The following ZNF804B variants were observed in gnomAD, a reference collection of about 807,000 sequenced individuals.
ZNF804B encodes the protein zinc finger 804B.
In ZNF804B, 80 loss-of-function variants were observed where a neutral mutation model predicts 101.4. The ratio of observed to expected loss-of-function variants is 0.79; its 90% CI spans 0.66 to 0.95. The LOEUF (loss-of-function observed/expected upper bound fraction) is 0.95. Among genes scored for constraint, ZNF804B ranks in the 40% least tolerant of loss-of-function variants. The pLI is 0.00. For missense variants in ZNF804B, 1,673 were observed against 1,561.9 expected, an observed-to-expected ratio of 1.07 and a Z score of -1.20; for synonymous variants, 622 against 558.8, an observed-to-expected ratio of 1.11 and a Z score of -1.59.
rs758565830 is a variant in ZNF804B, at chr7:89,336,572, C to G, written c.3590C>G (p.Thr1197Arg). The G allele has an allele frequency of 3.1e-6, 5 of 1,613,984 alleles. No individual in the cohort carries two copies. The highest frequency in any genetic ancestry group is 1.1e-5 in the South Asian group (1 of 91,084). The stretch of plus-strand genomic sequence containing the variant: ...TTCTCTCCGGCCTCAACCGTACAGA[C>G]AGTTCCAGTTCACCAGCACACTTCT... ...TAFSPASTVQTVPVHQHTSIT... is the reference protein window; with the variant it reads ...TAFSPASTVQRVPVHQHTSIT... The change falls in exon 4 of 4, where the codon ACA (threonine) becomes AGA (arginine). Residue 1197 changes from threonine (T) to arginine (R), a missense_variant. By Grantham distance (71) the Thr-to-Arg change is moderately conservative. Coordinates refer to ENST00000333190, the MANE Select transcript of ZNF804B (RefSeq NM_181646.5).
intron 1 of ZNF804B, among the ~76,000 whole-genome samples, chr7:88,834,487 A>G (rs1398553348): frequency 1.3e-5 from 2 of 151,800 alleles, no homozygotes; most frequent in Non-Finnish European, 3.0e-5. Flanking sequence ...TTGAAAACGC[A>G]CATGATAATG....
chr7:89,118,745 A>G (rs1394682964), intron 1 of ZNF804B, among the ~76,000 whole-genome samples: 2 of 152,144 alleles, frequency 1.3e-5, no homozygotes, highest in African/African-American at 2.4e-5. Context: ...CAAGGTTAAA[A>G]ATTTTTTGTG....
At chr7:89,011,527 T>C (rs1045209243) in intron 1 of ZNF804B, among the ~76,000 whole-genome samples, 2 of 152,156 alleles carry the variant, frequency 1.3e-5, no homozygotes, top group African/African-American at 4.8e-5. Flanking sequence ...AGTTGCTTCC[T>C]AGATACAATA....
intron 1 of ZNF804B, among the ~76,000 whole-genome samples, chr7:88,949,291 T>C (rs937635106): frequency 1.3e-5 from 2 of 151,482 alleles, no homozygotes; most frequent in South Asian, 2.1e-4. Flanking sequence ...TGGGACACTT[T>C]AGAATGTTTA....
chr7:89,311,749 G>A (rs1221328725), intron 2 of ZNF804B, among the ~76,000 whole-genome samples: 2 of 152,008 alleles, frequency 1.3e-5, no homozygotes. Context: ...CATCACCAAG[G>A]CACTTCTTAG....
At chr7:89,232,095 C>G (rs1483482046) in intron 2 of ZNF804B, among the ~76,000 whole-genome samples, 1 of 151,834 alleles carries the variant, frequency 6.6e-6, no homozygotes, top group Non-Finnish European at 1.5e-5. Context: ...TTTTTTTACT[C>G]CTAGTTTATT....
At chr7:88,859,883 C>G (rs1544422) in intron 1 of ZNF804B, among the ~76,000 whole-genome samples, 2,760 of 151,566 alleles carry the variant, frequency 0.018, 66 homozygotes, top group African/African-American at 0.047. Context: ...AATTTATTAC[C>G]TTCATTTAAA....
At chr7:88,900,008 A>G (rs1035931021) in intron 1 of ZNF804B, among the ~76,000 whole-genome samples, 4 of 152,128 alleles carry the variant, frequency 2.6e-5, no homozygotes, top group African/African-American at 9.7e-5. Context: ...TCAAAATTCA[A>G]ATTTTATGAA....
chr7:88,848,967 C>A (rs1039239381), intron 1 of ZNF804B, among the ~76,000 whole-genome samples: 1 of 151,852 alleles, frequency 6.6e-6, no homozygotes, highest in Admixed American at 6.6e-5. Context: ...TTTTTCCAGC[C>A]GTGTGTTAGA....
chr7:89,267,801 A>G (rs550978032), intron 2 of ZNF804B, among the ~76,000 whole-genome samples: 5 of 152,178 alleles, frequency 3.3e-5, no homozygotes, highest in Non-Finnish European at 4.4e-5. Context: ...GTTTCTTAAC[A>G]TAGAAAGTAC....
At chr7:89,186,119 T>C (rs1364515617) in intron 1 of ZNF804B, among the ~76,000 whole-genome samples, 1 of 152,022 alleles carries the variant, frequency 6.6e-6, no homozygotes, top group Admixed American at 6.6e-5. Flanking sequence ...AATATGTACA[T>C]ATTATCAATT....
At chr7:89,281,435 G>A (rs919585897) in intron 2 of ZNF804B, among the ~76,000 whole-genome samples, 19 of 152,084 alleles carry the variant, frequency 1.2e-4, no homozygotes, top group Admixed American at 3.3e-4. Flanking sequence ...ATATTAACAT[G>A]AATTTATTTC....
At chr7:88,922,043 C>T (rs7795740) in intron 1 of ZNF804B, among the ~76,000 whole-genome samples, 28,288 of 151,790 alleles carry the variant, frequency 0.19, 2,800 homozygotes, top group African/African-American at 0.27. Context: ...TGGGAACAGT[C>T]GGTAGGGAGA....
intron 2 of ZNF804B, among the ~76,000 whole-genome samples, chr7:89,289,371 C>A (rs740958): frequency 0.28 from 42,802 of 151,774 alleles, 6,232 homozygotes; most frequent in South Asian, 0.35. Flanking sequence ...ACAACAACAA[C>A]AAAAAACCTT....
intron 1 of ZNF804B, among the ~76,000 whole-genome samples, chr7:88,973,768 T>C (rs1793571278): frequency 6.6e-6 from 1 of 151,422 alleles, no homozygotes; most frequent in Non-Finnish European, 1.5e-5. Context: ...TCTTTTTGTG[T>C]CTAGCATTTT....
At chr7:89,000,135 C>G (rs1043018485) in intron 1 of ZNF804B, among the ~76,000 whole-genome samples, 4 of 151,952 alleles carry the variant, frequency 2.6e-5, no homozygotes, top group Non-Finnish European at 4.4e-5. Context: ...AGATCTGTTA[C>G]AGTTGTTACT....
intron 1 of ZNF804B, among the ~76,000 whole-genome samples, chr7:89,097,837 G>A (rs1469754484): frequency 1.3e-5 from 2 of 152,018 alleles, no homozygotes; most frequent in African/African-American, 2.4e-5. Flanking sequence ...TCTTCTTTCT[G>A]CAAATTCATT....
intron 1 of ZNF804B, among the ~76,000 whole-genome samples, chr7:88,953,968 C>T (rs1793263380): frequency 6.6e-6 from 1 of 151,270 alleles, no homozygotes; most frequent in African/African-American, 2.4e-5. Flanking sequence ...TATTTTTGTC[C>T]ACATATTTGT....
At chr7:89,103,041 T>C (rs977266359) in intron 1 of ZNF804B, among the ~76,000 whole-genome samples, 6 of 140,234 alleles carry the variant, frequency 4.3e-5, no homozygotes, top group African/African-American at 2.6e-5. Flanking sequence ...CATTGACCTA[T>C]GTGTCTGTTT....
Sources: gnomAD v4.1 joint callset for allele counts (sites outside exome capture counted in the v4.1 genomes callset) on GRCh38, gnomAD v4.1.1 for gene constraint, MANE v1.5 for transcripts, NCBI Gene and HGNC (gene_info 2026-07-23, HGNC 2026-07-21) for gene names.